MAD1L1: variants seen among roughly 807,000 people sequenced by gnomAD.
MAD1L1 encodes the protein mitotic arrest deficient 1 like 1.
Under a neutral mutation model 96.9 loss-of-function variants are expected in MAD1L1, and 95 were observed. The ratio of observed to expected loss-of-function variants is 0.98; its 90% CI spans 0.83 to 1.16. The LOEUF (loss-of-function observed/expected upper bound fraction) is 1.16, where lower values mean the gene tolerates loss of function less well. MAD1L1 is among the 50% of genes most tolerant of loss of function. MAD1L1 has a pLI of 0.00. For missense variants in MAD1L1, 1,007 were observed against 954.4 expected (o/e 1.06, Z -0.73); for synonymous variants, 473 against 396.6 (o/e 1.19, Z -2.29).
intron 11 of MAD1L1, among the ~76,000 whole-genome samples, chr7:2,091,476 T>C (rs575942933): frequency 2.6e-5 from 4 of 152,246 alleles, no homozygotes; most frequent in East Asian, 3.9e-4. Flanking sequence ...CTTAGAAAAA[T>C]ACATTCAAGA....
chr7:1,826,006 C>T (rs1222872058), intron 18 of MAD1L1, among the ~76,000 whole-genome samples: 4 of 152,156 alleles, frequency 2.6e-5, no homozygotes, highest in Non-Finnish European at 5.9e-5. Flanking sequence ...TTCATGACCT[C>T]GGCAGCAGTG....
At chr7:1,851,464 G>GC (rs1198790525) in intron 18 of MAD1L1, among the ~76,000 whole-genome samples, 1 of 152,192 alleles carries the variant, frequency 6.6e-6, no homozygotes, top group Non-Finnish European at 1.5e-5. Context: ...CCCCAGCAGT[G>GC]CCCAGGAAGC....
chr7:1,828,058 G>A (rs1365393210), intron 18 of MAD1L1, among the ~76,000 whole-genome samples: 1 of 151,882 alleles, frequency 6.6e-6, no homozygotes, highest in African/African-American at 2.4e-5. Flanking sequence ...TGTGGGCCCC[G>A]GGGCCCATCA....
At chr7:2,202,658 G>A (rs938966563) in intron 10 of MAD1L1, among the ~76,000 whole-genome samples, 7 of 152,122 alleles carry the variant, frequency 4.6e-5, no homozygotes, top group African/African-American at 7.2e-5. Context: ...CCAAACCGGC[G>A]CCAATTAAAA....
chr7:1,961,813 G>T (rs1223144945), intron 15 of MAD1L1, among the ~76,000 whole-genome samples: 6 of 151,454 alleles, frequency 4.0e-5, no homozygotes, highest in African/African-American at 1.5e-4. Context: ...TTGTGGGAGG[G>T]ACATGGTGGG....
At position 1,871,416 on chromosome 7, in the gene MAD1L1, C is replaced by G. The variant is rs374836306; in HGVS notation, c.1998+26784G>C. On this transcript the variant is annotated intron_variant, in intron 18 of 18. Coordinates refer to ENST00000265854, the MANE Select transcript of MAD1L1 (RefSeq NM_001013836.2). ...CACCTGCCACGCTGAACCCAACATA[C>G]GCCTGCCAAGCTGAACCCACCGTAA... 2.7e-4 allele frequency among the ~76,000 whole-genome samples: 38 copies of G among 142,630 alleles called. 1 individual carries two copies. The East Asian group carries it at 6.8e-3, about 25-fold the overall frequency. 93.6% of individuals were successfully genotyped at this position (142,630 alleles called of 152,430 possible). A position where few individuals can be genotyped will look rare whatever the true frequency, so the allele number is the denominator to read the frequency against.
chr7:2,208,692 A>G (rs1792724387), intron 10 of MAD1L1, among the ~76,000 whole-genome samples: 1 of 152,168 alleles, frequency 6.6e-6, no homozygotes, highest in Non-Finnish European at 1.5e-5. Flanking sequence ...TTTTCCAAAG[A>G]GAAGCAAGCA....
At chr7:2,078,663 G>T (rs1337289828) in intron 11 of MAD1L1, among the ~76,000 whole-genome samples, 3 of 152,198 alleles carry the variant, frequency 2.0e-5, no homozygotes, top group Non-Finnish European at 2.9e-5. Context: ...GGCTGCAGGG[G>T]GTGCTCCTGG....
intron 18 of MAD1L1, among the ~76,000 whole-genome samples, chr7:1,833,474 C>G (rs1215702731): frequency 6.6e-6 from 1 of 152,178 alleles, no homozygotes; most frequent in Non-Finnish European, 1.5e-5. Context: ...ACTGATAGAA[C>G]AGGAAGACAG....
chr7:2,077,054 C>T (rs985792732), intron 11 of MAD1L1, among the ~76,000 whole-genome samples: 4 of 147,538 alleles, frequency 2.7e-5, no homozygotes, highest in South Asian at 2.2e-4. Flanking sequence ...TTGGTGAGCC[C>T]GCGGCATGGT....
At chr7:2,037,154 C>G (rs1783476201) in intron 12 of MAD1L1, among the ~76,000 whole-genome samples, 1 of 152,088 alleles carries the variant, frequency 6.6e-6, no homozygotes, top group Admixed American at 6.6e-5. Flanking sequence ...GGTTCCAGTG[C>G]CTTCTGCCAC....
intron 17 of MAD1L1, among the ~76,000 whole-genome samples, chr7:1,926,974 T>C (rs921776706): frequency 3.9e-5 from 6 of 152,078 alleles, no homozygotes; most frequent in Admixed American, 3.3e-4. Flanking sequence ...TGCAAAGGAT[T>C]AGAAAACAAA....
At chr7:2,061,940 G>T (rs1002732254) in intron 12 of MAD1L1, among the ~76,000 whole-genome samples, 3 of 152,146 alleles carry the variant, frequency 2.0e-5, no homozygotes, top group African/African-American at 7.2e-5. Flanking sequence ...AATATGTGAC[G>T]CTTAAAAACA....
intron 18 of MAD1L1, among the ~76,000 whole-genome samples, chr7:1,851,570 ACGATTC>A (rs759009991): frequency 2.0e-5 from 3 of 152,168 alleles, no homozygotes; most frequent in Non-Finnish European, 4.4e-5. Flanking sequence ...CGAGGAATGC[ACGATTC>A]CTGGAAAGTC....
intron 12 of MAD1L1, among the ~76,000 whole-genome samples, chr7:2,067,105 G>A (rs1039690920): frequency 4.6e-5 from 7 of 152,192 alleles, no homozygotes; most frequent in South Asian, 2.1e-4. Context: ...ACCCAGAATC[G>A]GGGACTGGGC....
chr7:2,095,177 G>A (rs889340310), intron 11 of MAD1L1, among the ~76,000 whole-genome samples: 1 of 151,976 alleles, frequency 6.6e-6, no homozygotes, highest in Non-Finnish European at 1.5e-5. Context: ...CAAGTAGCTG[G>A]GACTACAGGC....
chr7:1,998,331 C>T (rs970921845), intron 14 of MAD1L1, among the ~76,000 whole-genome samples: 5 of 152,232 alleles, frequency 3.3e-5, no homozygotes, highest in Non-Finnish European at 7.3e-5. Flanking sequence ...ATGCCAGCTC[C>T]GAGGCGTCCG....
chr7:2,014,440 C>A (rs1782440210), intron 13 of MAD1L1, 62 bp downstream of exon 13: 3 of 1,506,680 alleles, frequency 2.0e-6, no homozygotes, highest in Non-Finnish European at 2.7e-6. Context: ...GCAGGCTCTG[C>A]CAAGGCCCAC....
At chr7:2,083,622 C>T (rs1785765472) in intron 11 of MAD1L1, among the ~76,000 whole-genome samples, 1 of 152,218 alleles carries the variant, frequency 6.6e-6, no homozygotes, top group Admixed American at 6.5e-5. Flanking sequence ...TGCAAGATGT[C>T]CCCCGTGGCC....
Sources: allele counts gnomAD v4.1 joint callset (sites outside exome capture counted in the v4.1 genomes callset), GRCh38; gene constraint gnomAD v4.1.1; transcripts MANE v1.5; gene names NCBI Gene and HGNC (gene_info 2026-07-23, HGNC 2026-07-21).